GALK2: variants seen among roughly 807,000 people sequenced by gnomAD.
The protein encoded by GALK2 is N-acetylgalactosamine kinase.
A neutral mutation model predicts 52.4 loss-of-function variants in GALK2; 36 were observed. The ratio of observed to expected loss-of-function variants is 0.69; its 90% CI spans 0.53 to 0.91. The LOEUF (loss-of-function observed/expected upper bound fraction) is 0.91, where lower values mean the gene tolerates loss of function less well. Ranked by LOEUF, GALK2 falls within the 40% of genes least tolerant of loss-of-function variation. The pLI is 0.00. For synonymous variants in GALK2, 176 were observed against 199.1 expected (o/e 0.88, Z 0.98); for missense variants, 579 against 559.1 (o/e 1.04, Z -0.36).
At chr15:49,270,336 T>C (rs1383993311) in intron 5 of GALK2, among the ~76,000 whole-genome samples, 2 of 152,232 alleles carry the variant, frequency 1.3e-5, no homozygotes, top group Non-Finnish European at 2.9e-5. Flanking sequence ...AGAGGTCTCA[T>C]GATCAGAATA....
At chr15:49,261,640 T>G (rs1262617662) in intron 5 of GALK2, among the ~76,000 whole-genome samples, 3 of 151,572 alleles carry the variant, frequency 2.0e-5, no homozygotes, top group Non-Finnish European at 3.0e-5. Flanking sequence ...ATCCCTGTCT[T>G]GTGCCACTTT....
intron 2 of GALK2, among the ~76,000 whole-genome samples, chr15:49,207,052 G>A (rs565536956): frequency 6.6e-6 from 1 of 152,102 alleles, no homozygotes; most frequent in Non-Finnish European, 1.5e-5. Context: ...CATAAAGCTT[G>A]CTGGATTTTG....
At chr15:49,277,054 A>G (rs1434127230) in intron 5 of GALK2, among the ~76,000 whole-genome samples, 1 of 143,086 alleles carries the variant, frequency 7.0e-6, no homozygotes, top group East Asian at 2.0e-4. Context: ...GCTCACTGCA[A>G]GCTCCGCCTC....
intron 2 of GALK2, among the ~76,000 whole-genome samples, chr15:49,210,156 A>AT (rs1259952053): frequency 6.6e-6 from 1 of 151,586 alleles, no homozygotes; most frequent in Non-Finnish European, 1.5e-5. Context: ...GATCCTTTGT[A>AT]TTTTGTGGTG....
At position 49,217,193 on chromosome 15, in the gene GALK2, A is replaced by G. The variant is rs770973590; in HGVS notation, c.146A>G (p.Glu49Gly). ...AAAAGCTTTCTCTTTTTTCTAGGAG[A>G]GCATATAGATTATTGTGGATATTCT... ...RAPGRVNIIG[E>G]HIDYCGYSVL... Residue 49 changes from glutamate (E) to glycine (G), a missense_variant, in exon 3 of 10, where the codon GAG becomes GGG. By Grantham distance (98) the Glu-to-Gly change is moderately conservative. Coordinates refer to ENST00000560031, the MANE Select transcript of GALK2 (RefSeq NM_002044.4). 6.2e-7 allele frequency: 1 copy of G among 1,606,152 alleles called. No homozygotes were observed. The highest frequency in any genetic ancestry group is 2.2e-5 in the East Asian group (1 of 44,806).
At chr15:49,245,250 G>A (rs971658520) in intron 5 of GALK2, among the ~76,000 whole-genome samples, 4 of 152,108 alleles carry the variant, frequency 2.6e-5, no homozygotes, top group African/African-American at 4.8e-5. Flanking sequence ...ATTTACCAAT[G>A]TTATTTGGAA....
chr15:49,347,888 A>C (rs1309409267), intron 3 of GALK2, among the ~76,000 whole-genome samples: 2 of 151,960 alleles, frequency 1.3e-5, no homozygotes, highest in Non-Finnish European at 2.9e-5. Context: ...GCGTGGTGGC[A>C]GATGCCTGTA....
At chr15:49,194,615 G>A (rs1291676819) in intron 1 of GALK2, among the ~76,000 whole-genome samples, 1 of 143,632 alleles carries the variant, frequency 7.0e-6, no homozygotes, top group African/African-American at 2.6e-5. Context: ...TTTTTTTTGA[G>A]ATGGAGTTTC....
At chr15:49,366,408 C>T in intron 3 of GALK2, 1 of 820,618 alleles carries the variant, frequency 1.2e-6, no homozygotes, top group Admixed American at 1.7e-5. Flanking sequence ...TGGCAGCTGC[C>T]CCATTGCACC....
At chr15:49,285,757 C>T (rs1296948592) in intron 7 of GALK2, among the ~76,000 whole-genome samples, 3 of 152,170 alleles carry the variant, frequency 2.0e-5, no homozygotes, top group Non-Finnish European at 4.4e-5. Flanking sequence ...AATTCATGCT[C>T]ATCTCTTTCC....
At chr15:49,322,960 T>TAAA (rs548865053) in intron 9 of GALK2, among the ~76,000 whole-genome samples, 4 of 68,154 alleles carry the variant, frequency 5.9e-5, no homozygotes, top group African/African-American at 1.7e-4. Context: ...CCATCTCAGG[T>TAAA]AAAAAAAAAA....
At chr15:49,164,491 A>G (rs2084754516) in intron 1 of GALK2, among the ~76,000 whole-genome samples, 1 of 152,108 alleles carries the variant, frequency 6.6e-6, no homozygotes, top group Admixed American at 6.5e-5. Context: ...TGAAGAAATA[A>G]AAAGGAAGGC....
At chr15:49,357,318 C>T (rs1377881799) in intron 3 of GALK2, among the ~76,000 whole-genome samples, 1 of 149,866 alleles carries the variant, frequency 6.7e-6, no homozygotes, top group African/African-American at 2.5e-5. Flanking sequence ...AAAGGATCAA[C>T]AAAATTGATA....
chr15:49,157,212 A>G (rs1174305636), intron 1 of GALK2, among the ~76,000 whole-genome samples: 3 of 152,138 alleles, frequency 2.0e-5, no homozygotes, highest in African/African-American at 7.2e-5. Flanking sequence ...TTCCTATCCA[A>G]TTTAGGTGTT....
intron 5 of GALK2, among the ~76,000 whole-genome samples, chr15:49,266,663 G>A (rs2092372535): frequency 1.3e-5 from 2 of 152,194 alleles, no homozygotes; most frequent in South Asian, 2.1e-4. Flanking sequence ...TTCTGAAGAA[G>A]GAACTCTAGA....
chr15:49,186,632 C>T (rs761793321), intron 1 of GALK2, among the ~76,000 whole-genome samples: 27 of 151,350 alleles, frequency 1.8e-4, no homozygotes, highest in African/African-American at 2.9e-4. Flanking sequence ...CTCCGCCTCC[C>T]GGGTTCAAAT....
At chr15:49,191,472 A>C (rs950330816) in intron 1 of GALK2, among the ~76,000 whole-genome samples, 1 of 152,070 alleles carries the variant, frequency 6.6e-6, no homozygotes. Context: ...GCCTCCTATA[A>C]TTTTCATTTA....
intron 2 of GALK2, among the ~76,000 whole-genome samples, chr15:49,214,280 A>G (rs2089186244): frequency 6.6e-6 from 1 of 151,966 alleles, no homozygotes; most frequent in Admixed American, 6.6e-5. Context: ...GCAAAAAGAA[A>G]ACAAAAAAAC....
At chr15:49,169,084 A>G, upstream of GALK2, 1 of 152,972 alleles carries the variant, frequency 6.5e-6, no homozygotes, top group Middle Eastern at 5.2e-4. Context: ...CTTTGTCTCC[A>G]TGTTTCCTTC....
Sources: allele counts gnomAD v4.1 joint callset (sites outside exome capture counted in the v4.1 genomes callset), GRCh38; gene constraint gnomAD v4.1.1; transcripts MANE v1.5; gene names NCBI Gene and HGNC (gene_info 2026-07-23, HGNC 2026-07-21).